The following NEGR1 variants were observed in gnomAD, a reference collection of about 807,000 sequenced individuals.
The protein encoded by NEGR1 is IgLON family member 4.
NEGR1 carries 10 observed loss-of-function variants against 40.9 expected under a neutral mutation model. The ratio of observed to expected loss-of-function variants is 0.24; its 90% CI spans 0.15 to 0.42. The LOEUF (loss-of-function observed/expected upper bound fraction) is 0.42. NEGR1 is among the 10% of genes least tolerant of loss of function. The pLI, the probability that NEGR1 is intolerant of heterozygous loss-of-function variation, is 1.00. For missense variants in NEGR1, 352 were observed against 438.9 expected, an observed-to-expected ratio of 0.80 and a Z score of 1.77; for synonymous variants, 185 against 166.8, an observed-to-expected ratio of 1.11 and a Z score of -0.84.
chr1:71,679,443 A>G (rs1441060975), intron 4 of NEGR1, among the ~76,000 whole-genome samples: 2 of 152,016 alleles, frequency 1.3e-5, no homozygotes, highest in East Asian at 3.9e-4. Flanking sequence ...AGATTTGCAC[A>G]TTTTCTCTGA....
At chr1:72,035,975 C>T (rs1178409642) in intron 1 of NEGR1, among the ~76,000 whole-genome samples, 3 of 152,112 alleles carry the variant, frequency 2.0e-5, no homozygotes, top group Non-Finnish European at 4.4e-5. Flanking sequence ...TCACAAATCA[C>T]AGATAGAGAC....
intron 1 of NEGR1, among the ~76,000 whole-genome samples, chr1:71,990,512 T>C (rs1404031469): frequency 6.6e-6 from 1 of 152,188 alleles, no homozygotes; most frequent in Admixed American, 6.5e-5. Flanking sequence ...CTTATGATAG[T>C]CTGGAAAATT....
At chr1:71,714,464 T>C (rs1654208884) in intron 3 of NEGR1, among the ~76,000 whole-genome samples, 1 of 152,184 alleles carries the variant, frequency 6.6e-6, no homozygotes, top group Non-Finnish European at 1.5e-5. Context: ...CACAAAAGTC[T>C]GAATCCAAAG....
intron 6 of NEGR1, among the ~76,000 whole-genome samples, chr1:71,583,838 T>C (rs1649212859): frequency 6.6e-6 from 1 of 152,228 alleles, no homozygotes; most frequent in African/African-American, 2.4e-5. Flanking sequence ...GCAAGAATTA[T>C]GATCTGCCTC....
At chr1:71,923,354 TAC>T (rs55873773) in intron 2 of NEGR1, among the ~76,000 whole-genome samples, 109,403 of 147,704 alleles carry the variant, frequency 0.74, 41,038 homozygotes, top group East Asian at 0.88. Context: ...TGGACAGCGA[TAC>T]ACACACACAC....
chr1:72,229,406 T>G (rs1654287528), intron 1 of NEGR1, among the ~76,000 whole-genome samples: 1 of 148,654 alleles, frequency 6.7e-6, no homozygotes, highest in Non-Finnish European at 1.5e-5. Context: ...ATTTTAGGTA[T>G]CAATAGCACA....
At chr1:72,116,115 G>C (rs923118491) in intron 1 of NEGR1, among the ~76,000 whole-genome samples, 1 of 151,732 alleles carries the variant, frequency 6.6e-6, no homozygotes, top group Non-Finnish European at 1.5e-5. Context: ...AGGTTCAATA[G>C]AAGGACAACA....
intron 1 of NEGR1, among the ~76,000 whole-genome samples, chr1:72,119,298 G>A (rs542670576): frequency 6.6e-6 from 1 of 151,906 alleles, no homozygotes; most frequent in African/African-American, 2.4e-5. Context: ...CAGTGAGCGA[G>A]CTGAATAGCA....
At chr1:71,682,756 G>T (rs1374148675) in intron 4 of NEGR1, among the ~76,000 whole-genome samples, 4 of 152,134 alleles carry the variant, frequency 2.6e-5, no homozygotes, top group Non-Finnish European at 4.4e-5. Context: ...TTTTGGTCGT[G>T]GGGGCAGGGC....
intron 2 of NEGR1, among the ~76,000 whole-genome samples, chr1:71,824,868 A>G (rs1392179715): frequency 6.6e-6 from 1 of 151,986 alleles, no homozygotes; most frequent in Non-Finnish European, 1.5e-5. Context: ...ATAGTCCAAT[A>G]CCTGAATAAT....
At chr1:71,576,347 G>A (rs909687029) in intron 6 of NEGR1, among the ~76,000 whole-genome samples, 13 of 152,074 alleles carry the variant, frequency 8.5e-5, no homozygotes, top group East Asian at 3.9e-4. Flanking sequence ...TTGGGGTTGC[G>A]TATGACAGAA....
chr1:71,955,836 G>C (rs2768394), intron 1 of NEGR1, among the ~76,000 whole-genome samples: 1 of 151,858 alleles, frequency 6.6e-6, no homozygotes, highest in Admixed American at 6.6e-5. Flanking sequence ...AAGTTTTCAC[G>C]GACCATTCTG....
At chr1:71,708,500 A>G (rs1406059304) in intron 3 of NEGR1, among the ~76,000 whole-genome samples, 1 of 152,132 alleles carries the variant, frequency 6.6e-6, no homozygotes, top group Non-Finnish European at 1.5e-5. Context: ...AGAAAAACAA[A>G]TCTAAAATTT....
At chr1:71,495,478 G>GA (rs59058061) in intron 6 of NEGR1, among the ~76,000 whole-genome samples, 181 of 135,956 alleles carry the variant, frequency 1.3e-3, no homozygotes, top group East Asian at 4.2e-3. Flanking sequence ...CTCCATCTCG[G>GA]AAAAAAAAAA....
chr1:71,431,786 G>A (rs770268859), intron 6 of NEGR1, among the ~76,000 whole-genome samples: 1 of 152,180 alleles, frequency 6.6e-6, no homozygotes, highest in Non-Finnish European at 1.5e-5. Flanking sequence ...GTGAATGGGA[G>A]GGTAGGGTAT....
rs1252066685 is a variant in NEGR1 at position 72,111,228 on chromosome 1, TCTC to T, written c.176+171088_176+171090del. Among the ~76,000 whole-genome samples the T allele has an allele frequency of 2.6e-5, 4 of 151,788 alleles. No individual in the cohort carries two copies. In the East Asian group the frequency reaches 5.8e-4, roughly 22 times the overall value. On this transcript the variant is annotated intron_variant, in intron 1 of 6. Transcript: ENST00000357731. ...ATTAAACCTTTCTAAGCTTTAGTCTTCTCCTCTCTACAGTGGAGGTAACACTAG... is the reference window on the plus strand; with the variant it reads ...ATTAAACCTTTCTAAGCTTTAGTCTTCTCTCTACAGTGGAGGTAACACTAG...
chr1:71,559,009 C>CTG (rs573407911), intron 6 of NEGR1, among the ~76,000 whole-genome samples: 8,968 of 119,882 alleles, frequency 0.075, 881 homozygotes, highest in African/African-American at 0.24. Flanking sequence ...TTTATCTTCT[C>CTG]TGTGTGTGTG....
At chr1:71,698,843 G>T (rs1485938439) in intron 3 of NEGR1, among the ~76,000 whole-genome samples, 1 of 151,818 alleles carries the variant, frequency 6.6e-6, no homozygotes, top group African/African-American at 2.4e-5. Flanking sequence ...GAAATATAAA[G>T]ATGTAATAAC....
chr1:72,143,307 T>C (rs1650756899), intron 1 of NEGR1, among the ~76,000 whole-genome samples: 1 of 151,914 alleles, frequency 6.6e-6, no homozygotes, highest in African/African-American at 2.4e-5. Context: ...GATAAAGTTT[T>C]ACAACTAGAT....
Sources: gnomAD v4.1 joint callset for allele counts (sites outside exome capture counted in the v4.1 genomes callset) on GRCh38, gnomAD v4.1.1 for gene constraint, MANE v1.5 for transcripts, NCBI Gene and HGNC (gene_info 2026-07-23, HGNC 2026-07-21) for gene names.